IGSF11: variants seen among roughly 807,000 people sequenced by gnomAD.
IGSF11 encodes the protein CXADR like 1.
Under a neutral mutation model 41.0 loss-of-function variants are expected in IGSF11, and 22 were observed. The observed-to-expected ratio is 0.54, with a 90% CI of 0.38 to 0.77. The LOEUF (loss-of-function observed/expected upper bound fraction) is 0.77. Ranked by LOEUF, IGSF11 falls within the 30% of genes least tolerant of loss-of-function variation. The pLI, the probability that IGSF11 is intolerant of heterozygous loss-of-function variation, is 0.00. For synonymous variants in IGSF11, 219 were observed against 201.3 expected (o/e 1.09, Z -0.74); for missense variants, 444 against 530.8 (o/e 0.84, Z 1.61).
intron 1 of IGSF11, among the ~76,000 whole-genome samples, chr3:119,099,651 G>A (rs552833106): frequency 7.2e-5 from 11 of 152,280 alleles, no homozygotes; most frequent in African/African-American, 2.6e-4. Context: ...TAGCTGCAGT[G>A]GCAAGTGTAT....
intron 1 of IGSF11, among the ~76,000 whole-genome samples, chr3:118,950,469 T>C (rs1012147045): frequency 1.3e-5 from 2 of 152,124 alleles, no homozygotes; most frequent in Non-Finnish European, 2.9e-5. Context: ...CCTAAGGTAA[T>C]ATGCCTTTTA....
At chr3:119,116,454 A>G (rs1032875204) in intron 1 of IGSF11, among the ~76,000 whole-genome samples, 3 of 152,166 alleles carry the variant, frequency 2.0e-5, no homozygotes, top group African/African-American at 7.2e-5. Flanking sequence ...CCAATTCCTC[A>G]CTATATGTAA....
intron 1 of IGSF11, among the ~76,000 whole-genome samples, chr3:119,048,477 A>G (rs561974481): frequency 6.6e-6 from 1 of 152,320 alleles, no homozygotes; most frequent in South Asian, 2.1e-4. Context: ...TAAACCAATA[A>G]CAGGATCTGA....
chr3:118,937,377 C>T (rs890932650), intron 1 of IGSF11, among the ~76,000 whole-genome samples: 2 of 152,144 alleles, frequency 1.3e-5, no homozygotes, highest in African/African-American at 4.8e-5. Context: ...TAAGGAATAC[C>T]ACAATTCTCT....
intron 1 of IGSF11, among the ~76,000 whole-genome samples, chr3:119,092,880 T>C (rs1267499325): frequency 6.6e-6 from 1 of 152,212 alleles, no homozygotes; most frequent in Non-Finnish European, 1.5e-5. Flanking sequence ...TACAGTAACA[T>C]GCTATACAAG....
At chr3:119,111,819 C>T (rs1208316664) in intron 1 of IGSF11, among the ~76,000 whole-genome samples, 1 of 152,222 alleles carries the variant, frequency 6.6e-6, no homozygotes, top group African/African-American at 2.4e-5. Flanking sequence ...AGACAGGACC[C>T]TCAACTGCAG....
intron 1 of IGSF11, among the ~76,000 whole-genome samples, chr3:119,087,737 A>C (rs2076699817): frequency 6.6e-6 from 1 of 152,184 alleles, no homozygotes; most frequent in Admixed American, 6.5e-5. Flanking sequence ...TTATTTATGT[A>C]ACCAAATGCC....
intron 1 of IGSF11, among the ~76,000 whole-genome samples, chr3:119,006,892 G>C (rs1393647909): frequency 7.2e-6 from 1 of 138,566 alleles, no homozygotes; most frequent in Non-Finnish European, 1.6e-5. Context: ...ACATTTAAGT[G>C]TGCAGAGGTT....
At chr3:118,989,863 T>C (rs1188356330) in intron 1 of IGSF11, among the ~76,000 whole-genome samples, 3 of 152,144 alleles carry the variant, frequency 2.0e-5, no homozygotes, top group Admixed American at 6.5e-5. Context: ...CAAACACAGA[T>C]GAAAAGAAAT....
intron 4 of IGSF11, among the ~76,000 whole-genome samples, chr3:118,912,693 G>T (rs1339694495): frequency 3.9e-5 from 6 of 152,150 alleles, no homozygotes; most frequent in African/African-American, 1.4e-4. Flanking sequence ...ATGAAGAAAA[G>T]TTAACTACAC....
At chr3:118,943,949 A>C (rs1275217224) in intron 1 of IGSF11, among the ~76,000 whole-genome samples, 1 of 152,240 alleles carries the variant, frequency 6.6e-6, no homozygotes, top group African/African-American at 2.4e-5. Context: ...GTTATTTATG[A>C]ACAAATAAAG....
chr3:118,928,656 C>G lies in IGSF11; in HGVS notation c.277G>C (p.Gly93Arg). ...GTAGCTGGCATGGTGCCTGTAAATC[C>G]TACCCTACCGTGGAACCGGGGGGCA... is the stretch of plus-strand genomic sequence containing the variant. ...DGAPRFHGRV[G>R]FTGTMPATNV... The change falls in exon 3 of 7, where the codon GGA (glycine) becomes CGA (arginine). Residue 93 changes from glycine to arginine, a missense_variant. Gly to Arg is a moderately radical substitution (Grantham distance 125). Coordinates refer to ENST00000393775, the MANE Select transcript of IGSF11 (RefSeq NM_001015887.3). 6.2e-7 allele frequency: 1 copy of G among 1,614,072 alleles called. No individual in the cohort carries two copies. The highest frequency in any genetic ancestry group is 1.1e-5 in the South Asian group (1 of 91,072).
At chr3:119,142,451 C>T (rs533368440) in intron 1 of IGSF11, among the ~76,000 whole-genome samples, 1 of 151,926 alleles carries the variant, frequency 6.6e-6, no homozygotes, top group Non-Finnish European at 1.5e-5. Context: ...AAATAAACTG[C>T]TACTAAGGAA....
intron 4 of IGSF11, among the ~76,000 whole-genome samples, chr3:118,915,212 A>C (rs199601764): frequency 0.13 from 17,217 of 133,070 alleles, 1,900 homozygotes; most frequent in African/African-American, 0.28. Context: ...TCCTCCTCCA[A>C]AGGAACACAG....
intron 1 of IGSF11, among the ~76,000 whole-genome samples, chr3:118,936,413 A>G (rs1452035973): frequency 6.6e-6 from 1 of 151,990 alleles, no homozygotes; most frequent in African/African-American, 2.4e-5. Context: ...AGGCTGAGGC[A>G]GGAGAGTCGC....
At chr3:118,903,697 A>G (rs756804815) in intron 6 of IGSF11, among the ~76,000 whole-genome samples, 2 of 152,226 alleles carry the variant, frequency 1.3e-5, no homozygotes, top group Non-Finnish European at 2.9e-5. Flanking sequence ...TTTAACATTT[A>G]TTGGGTACAC....
chr3:119,087,252 T>A (rs2076690475), intron 1 of IGSF11, among the ~76,000 whole-genome samples: 1 of 152,124 alleles, frequency 6.6e-6, no homozygotes. Flanking sequence ...GGAAAAGAAG[T>A]CATTATATGA....
chr3:119,106,520 C>G (rs2077028171), upstream of IGSF11, among the ~76,000 whole-genome samples: 1 of 152,112 alleles, frequency 6.6e-6, no homozygotes, highest in Non-Finnish European at 1.5e-5. Context: ...TCCATGTTGT[C>G]AAAAATAACA....
At chr3:119,114,899 G>C (rs1176485944) in intron 1 of IGSF11, among the ~76,000 whole-genome samples, 1 of 152,178 alleles carries the variant, frequency 6.6e-6, no homozygotes, top group Admixed American at 6.5e-5. Context: ...AACATGGCTG[G>C]GGAGGCCTCA....
Sources: allele counts gnomAD v4.1 joint callset (sites outside exome capture counted in the v4.1 genomes callset), GRCh38; gene constraint gnomAD v4.1.1; transcripts MANE v1.5; gene names NCBI Gene and HGNC (gene_info 2026-07-23, HGNC 2026-07-21).